The following OCA2 variants were observed in gnomAD, a reference collection of about 807,000 sequenced individuals.
OCA2 encodes OCA2 melanosomal transmembrane protein.
Under a neutral mutation model 100.2 loss-of-function variants are expected in OCA2, and 77 were observed. The observed-to-expected ratio is 0.77, with a 90% CI of 0.64 to 0.93. The LOEUF (loss-of-function observed/expected upper bound fraction) is 0.93, where lower values mean the gene tolerates loss of function less well. Ranked by LOEUF, OCA2 falls within the 40% of genes least tolerant of loss-of-function variation. The pLI is 0.00. For missense variants in OCA2, 1,062 were observed against 1,089.1 expected, an observed-to-expected ratio of 0.98 and a Z score of 0.35; for synonymous variants, 432 against 439.2, an observed-to-expected ratio of 0.98 and a Z score of 0.21.
At chr15:28,033,896 T>C (rs1386877466) in intron 2 of OCA2, among the ~76,000 whole-genome samples, 1 of 152,188 alleles carries the variant, frequency 6.6e-6, no homozygotes, top group Admixed American at 6.5e-5. Context: ...AGATGTTTTC[T>C]GATGCTCCCT....
At position 27,759,313 on chromosome 15, in the gene OCA2, G is replaced by A. The variant is rs116239453; in HGVS notation, c.2433-3841C>T. 8.6e-3 allele frequency among the ~76,000 whole-genome samples: 1,314 copies of A among 152,146 alleles called. 18 individuals carry two copies. The highest frequency in any genetic ancestry group is 0.031 in the African/African-American group (1,267 of 41,526). On this transcript the variant is annotated intron_variant, in intron 23 of 23. Transcript: ENST00000354638. Reference sequence around the variant, plus strand: ...GTACTGCTAAGAAGGTCTTCAAACAGAAATGAAATGATAAAAAGAAGGAAT... The same window carrying A: ...GTACTGCTAAGAAGGTCTTCAAACAAAAATGAAATGATAAAAAGAAGGAAT...
rs191013295 is a variant in OCA2 at position 27,932,390 on chromosome 15, T to A, written c.1952-6136A>T. ...GCCTGGGGAAAAGACAAGCATGTAATGCGCCACCTGAGGAATAGGAGCAAA... is the reference window on the plus strand; with the variant it reads ...GCCTGGGGAAAAGACAAGCATGTAAAGCGCCACCTGAGGAATAGGAGCAAA... On this transcript the variant is annotated intron_variant, in intron 18 of 23. Coordinates refer to ENST00000354638, the MANE Select transcript of OCA2 (RefSeq NM_000275.3). 1.1e-4 allele frequency among the ~76,000 whole-genome samples: 16 copies of A among 151,756 alleles called. No homozygotes were observed. The East Asian group carries it at 2.9e-3, about 28-fold the overall frequency.
chr15:27,913,149 T>C (rs1466069569), intron 19 of OCA2, among the ~76,000 whole-genome samples: 1 of 152,174 alleles, frequency 6.6e-6, no homozygotes, highest in Non-Finnish European at 1.5e-5. Flanking sequence ...AAAAAAGTCA[T>C]TAGGAAAAAA....
intron 23 of OCA2, among the ~76,000 whole-genome samples, chr15:27,826,599 C>T (rs368272406): frequency 1.3e-5 from 2 of 152,206 alleles, no homozygotes; most frequent in African/African-American, 4.8e-5. Flanking sequence ...CTCCTGCGTT[C>T]ATGCCTCCTC....
chr15:27,837,462 C>T (rs1204426044), intron 23 of OCA2, among the ~76,000 whole-genome samples: 2 of 152,208 alleles, frequency 1.3e-5, no homozygotes, highest in Admixed American at 6.5e-5. Context: ...CACATTATTA[C>T]TTGGCAGTAA....
At chr15:28,019,514 G>A (rs2042522194) in intron 6 of OCA2, among the ~76,000 whole-genome samples, 2 of 152,092 alleles carry the variant, frequency 1.3e-5, no homozygotes, top group Non-Finnish European at 1.5e-5. Context: ...CTACCGAACC[G>A]ACACCGCCTG....
At chr15:27,740,487 G>C in the OCA2 span, among the ~76,000 whole-genome samples, 1 of 152,078 alleles carries the variant, frequency 6.6e-6, no homozygotes. Flanking sequence ...CTCTCCACTA[G>C]GAGAGAAGAA....
chr15:27,767,710 T>C (rs2031377983), intron 23 of OCA2, among the ~76,000 whole-genome samples: 1 of 152,040 alleles, frequency 6.6e-6, no homozygotes, highest in Admixed American at 6.5e-5. Flanking sequence ...CAGCACTCTG[T>C]AAAATGGACC....
At chr15:27,860,884 A>C (rs1002916269) in intron 21 of OCA2, among the ~76,000 whole-genome samples, 1 of 152,208 alleles carries the variant, frequency 6.6e-6, no homozygotes, top group African/African-American at 2.4e-5. Flanking sequence ...CAGAGAGAAG[A>C]GCAGTAAGAA....
At chr15:27,774,357 C>T (rs186411209) in intron 23 of OCA2, among the ~76,000 whole-genome samples, 65 of 152,364 alleles carry the variant, frequency 4.3e-4, no homozygotes, top group Admixed American at 2.0e-3. Context: ...TCAGGCCCCC[C>T]GCGTTCTGCA....
intron 19 of OCA2, among the ~76,000 whole-genome samples, chr15:27,902,216 G>GTT (rs1215494822): frequency 1.1e-5 from 1 of 88,200 alleles, no homozygotes; most frequent in Non-Finnish European, 2.6e-5. Flanking sequence ...TGTTGTTGTT[G>GTT]TTGTTTTTTT....
chr15:27,723,161 G>A, the OCA2 span, among the ~76,000 whole-genome samples: 1 of 151,960 alleles, frequency 6.6e-6, no homozygotes, highest in Non-Finnish European at 1.5e-5. Flanking sequence ...ATATTTCACA[G>A]CCCTTATGAG....
intron 14 of OCA2, among the ~76,000 whole-genome samples, chr15:27,972,800 G>A (rs1187582223): frequency 6.7e-6 from 1 of 149,296 alleles, no homozygotes; most frequent in Non-Finnish European, 1.5e-5. Context: ...CATTCTGTAG[G>A]TTTTCTGTTT....
intron 14 of OCA2, among the ~76,000 whole-genome samples, chr15:27,976,113 C>T (rs1404661548): frequency 1.3e-5 from 2 of 152,078 alleles, no homozygotes; most frequent in East Asian, 1.9e-4. Flanking sequence ...ATATGGACTC[C>T]GTATCCTGCA....
At chr15:27,871,295 G>T (rs748405289) in intron 20 of OCA2, 37 bp from the exon 21 acceptor site, 1 of 1,517,480 alleles carries the variant, frequency 6.6e-7, no homozygotes, top group Admixed American at 1.7e-5. Context: ...GTGTTCCATC[G>T]CATGCACTTA....
the OCA2 span, among the ~76,000 whole-genome samples, chr15:27,737,892 G>C: frequency 1.3e-5 from 2 of 152,130 alleles, no homozygotes; most frequent in Admixed American, 6.5e-5. Flanking sequence ...AAAGGTGTGG[G>C]CAGACACTTT....
chr15:27,784,209 G>A (rs1352689731), intron 23 of OCA2, among the ~76,000 whole-genome samples: 1 of 152,296 alleles, frequency 6.6e-6, no homozygotes, highest in East Asian at 1.9e-4. Flanking sequence ...ACACCTAAAA[G>A]TGAGGACGGA....
At chr15:27,723,864 T>C in the OCA2 span, among the ~76,000 whole-genome samples, 2 of 152,146 alleles carry the variant, frequency 1.3e-5, no homozygotes, top group Non-Finnish European at 2.9e-5. Context: ...AAATTGCATG[T>C]TTATAACCAA....
chr15:27,920,545 A>G (rs577679632), intron 19 of OCA2, among the ~76,000 whole-genome samples: 1 of 152,292 alleles, frequency 6.6e-6, no homozygotes, highest in African/African-American at 2.4e-5. Flanking sequence ...CTCTGGGGTA[A>G]AAACTGCCAA....
Sources: allele counts gnomAD v4.1 joint callset (sites outside exome capture counted in the v4.1 genomes callset), GRCh38; gene constraint gnomAD v4.1.1; transcripts MANE v1.5; gene names NCBI Gene and HGNC (gene_info 2026-07-23, HGNC 2026-07-21).